The following ZNF816 variants were observed in gnomAD, a reference collection of about 807,000 sequenced individuals.
The protein encoded by ZNF816 is zinc finger protein 816, also known as zinc finger protein 816A.
In ZNF816, 11 loss-of-function variants were observed where a neutral mutation model predicts 8.3. The observed-to-expected ratio is 1.32, with a 90% CI of 0.83 to 2.19. The LOEUF (loss-of-function observed/expected upper bound fraction) is 2.19. Among genes scored for constraint, ZNF816 ranks in the 30% most tolerant of loss-of-function variants. The pLI, the probability that ZNF816 is intolerant of heterozygous loss-of-function variation, is 0.00. For missense variants in ZNF816, 710 were observed against 779.3 expected, an observed-to-expected ratio of 0.91 and a Z score of 1.06; for synonymous variants, 255 against 254.5, an observed-to-expected ratio of 1.00 and a Z score of -0.02.
chr19:52,949,575 A>C lies in ZNF816; in HGVS notation c.*244T>G, dbSNP rs1231739384. 1.4e-6 allele frequency: 1 copy of C among 731,582 alleles called. No homozygotes were observed. Among genetic ancestry groups the C allele is most frequent in the East Asian group, 2.7e-5 (1 of 36,700 alleles). The allele number at this position is 731,582 out of a possible 1,614,324, so 45.3% of individuals were successfully genotyped here. A position where few individuals can be genotyped will look rare whatever the true frequency, so the allele number is the denominator to read the frequency against. On this transcript the variant is annotated 3_prime_UTR_variant, in exon 4 of 4. Coordinates refer to ENST00000444460, the MANE Select transcript of ZNF816 (RefSeq NM_001202457.3). ...GTAAAGGCTTTGCCACAATCATCAC[A>C]CTTGTGAGGTTTCTCTCCTGTATGA...
intron 2 of ZNF816, 45 bp from the exon 3 acceptor site, chr19:52,952,922 G>GTTA (rs1191584234): frequency 6.4e-7 from 1 of 1,562,284 alleles, no homozygotes; most frequent in Non-Finnish European, 8.6e-7. Context: ...GGAGGAGTGA[G>GTTA]TTATTGCCCT....
intron 2 of ZNF816, among the ~76,000 whole-genome samples, chr19:52,953,708 A>G (rs984167805): frequency 7.2e-6 from 1 of 138,104 alleles, no homozygotes; most frequent in African/African-American, 2.7e-5. Context: ...ATTATTAAAT[A>G]AAGATATTAA....
intron 3 of ZNF816, 133 bp from the exon 4 acceptor site, chr19:52,951,717 A>G (rs2083462196): frequency 3.4e-6 from 3 of 886,370 alleles, no homozygotes; most frequent in Non-Finnish European, 5.0e-6. Context: ...TCATAGTTTA[A>G]GAACACACTG....
chr19:52,949,547 G>C lies in ZNF816; in HGVS notation c.*272C>G. 1 of 667,938 alleles carries C rather than the reference G, an allele frequency of 1.5e-6. No homozygotes were observed. The highest frequency in any genetic ancestry group is 1.5e-5 in the South Asian group (1 of 68,786). The allele number at this position is 667,938 out of a possible 1,614,324, so 41.4% of individuals were successfully genotyped here. On this transcript the variant is annotated 3_prime_UTR_variant, in exon 4 of 4. Coordinates refer to ENST00000444460, the MANE Select transcript of ZNF816 (RefSeq NM_001202457.3). ...CTGATGTCTAATGAGGTGTGAACAT[G>C]AAGTAAAGGCTTTGCCACAATCATC...
chr19:52,956,143 C>T, intron 1 of ZNF816, 39 bp from the exon 2 acceptor site: 9 of 1,582,320 alleles, frequency 5.7e-6, no homozygotes, highest in Non-Finnish European at 1.7e-6. Flanking sequence ...TATTTAGAAA[C>T]CATTGACTCC....
Position 52,951,222 on chromosome 19 carries a change from C to CACT in ZNF816, c.552_553insAGT (p.Ile184_Gly185insSer), listed in dbSNP as rs33949217. 0.41 allele frequency: 666,951 copies of CACT among 1,613,650 alleles called. 147,023 individuals carry two copies. Among genetic ancestry groups the CACT allele is most frequent in the African/African-American group, 0.84 (62,931 of 74,862 alleles). ...TGGGATTCTGAAGCTGAGGAAGCAC[C>CACT]GATAGACTTGTCCAATTGGTTACTA... On this transcript the variant is annotated inframe_insertion, in exon 4 of 4. Transcript: ENST00000444460.
chr19:52,951,788 C>G, intron 3 of ZNF816: 1 of 532,340 alleles, frequency 1.9e-6, no homozygotes. Context: ...ATCCCAGCTA[C>G]TCAGGAGGCT....
intron 2 of ZNF816, 28 bp from the exon 3 acceptor site, chr19:52,952,905 A>C (rs1262864092): frequency 6.3e-7 from 1 of 1,583,670 alleles, no homozygotes; most frequent in Non-Finnish European, 8.5e-7. Flanking sequence ...TTTCAACAAA[A>C]CATTATGGAG....
In ZNF816 at chr19:52,950,436, G is replaced by T. The variant is rs1482684782; in HGVS notation, c.1339C>A (p.His447Asn). Residue 447 changes from histidine to asparagine, a missense_variant, in exon 4 of 4, where the codon CAT becomes AAT. Physicochemically the swap from His to Asn is moderately conservative, Grantham distance 68 (BLOSUM62 1). Coordinates refer to ENST00000444460, the MANE Select transcript of ZNF816 (RefSeq NM_001202457.3). The stretch of plus-strand genomic sequence containing the variant: ...CACTTGTATGGTTTCTCTCCAGTAT[G>T]AACTCTCTGATGTTCTGCAAGGTAT... ...DSYLAEHQRV[H>N]TGEKPYKCNK... 4 of 1,613,382 alleles carry T rather than the reference G, an allele frequency of 2.5e-6. No homozygotes were observed. The Admixed American group carries it at 6.7e-5, about 27-fold the overall frequency.
intron 1 of ZNF816, among the ~76,000 whole-genome samples, chr19:52,961,314 T>G (rs35961480): frequency 3.3e-5 from 5 of 152,066 alleles, no homozygotes; most frequent in Admixed American, 6.5e-5. Context: ...AACTTTAAAT[T>G]TGATGCTTGT....
intron 1 of ZNF816, 73 bp from the exon 2 acceptor site, chr19:52,956,177 CA>C: frequency 6.7e-7 from 1 of 1,496,326 alleles, no homozygotes; most frequent in Non-Finnish European, 9.0e-7. Context: ...AACACACACA[CA>C]GGGGAAACCT....
chr19:52,959,452 A>T (rs1271313899), intron 1 of ZNF816, among the ~76,000 whole-genome samples: 3 of 152,192 alleles, frequency 2.0e-5, no homozygotes, highest in African/African-American at 4.8e-5. Context: ...ACTGGGAGCT[A>T]TAAGTGGACA....
rs534702727 is a variant in ZNF816 at position 52,951,213 on chromosome 19, A to G, written c.562T>C (p.Ser188Pro). 1 of 1,566,212 alleles carries G rather than the reference A, an allele frequency of 6.4e-7. No homozygotes were observed. The highest frequency in any genetic ancestry group is 2.2e-5 in the African/African-American group (1 of 45,832). The change falls in exon 4 of 4, where the codon TCA (serine) becomes CCA (proline). Residue 188 changes from serine (S) to proline (P), a missense_variant. By Grantham distance (74) the Ser-to-Pro change is moderately conservative. Transcript: ENST00000444460. Reference sequence around the variant, plus strand: ...GAAATTCTTTGGGATTCTGAAGCTGAGGAAGCACCGATAGACTTGTCCAAT... The same window carrying G: ...GAAATTCTTTGGGATTCTGAAGCTGGGGAAGCACCGATAGACTTGTCCAAT... ...NQLDKSIGAS[S>P]ASESQRISCR...
rs1216928663 is a variant in ZNF816, at chr19:52,953,525, ATAAT to A, written c.64-652_64-649del. 2.0e-4 allele frequency: 10 copies of A among 50,028 alleles called. No homozygotes were observed. The African/African-American group carries it at 3.2e-3, about 16-fold the overall frequency. 3.1% of individuals were successfully genotyped at this position (50,028 alleles called of 1,614,324 possible). A position where few individuals can be genotyped will look rare whatever the true frequency, so the allele number is the denominator to read the frequency against. On this transcript the variant is annotated intron_variant, in intron 2 of 3. Coordinates refer to ENST00000444460, the MANE Select transcript of ZNF816 (RefSeq NM_001202457.3). ...ATTTAATTATATATAATATATATTT[ATAAT>A]ATATAATATATAATACAATATTATA... is the stretch of plus-strand genomic sequence containing the variant.
chr19:52,951,483 T>C lies in ZNF816; in HGVS notation c.292A>G (p.Ile98Val). 2 of 1,614,056 alleles carry C rather than the reference T, an allele frequency of 1.2e-6. No homozygotes were observed. The highest frequency in any genetic ancestry group is 1.7e-6 in the Non-Finnish European group (2 of 1,179,922). The change falls in exon 4 of 4, where the codon ATT (isoleucine) becomes GTT (valine). Residue 98 changes from isoleucine (I) to valine (V), a missense_variant. Transcript: ENST00000444460. ...GTLQRHKSHH[I>V]GDFCFPEMKK... ...ATTTCTGGGAAGCAAAAATCTCCAA[T>C]GTGATGACTTTTATGTCTTTGCAAC...
At chr19:52,951,900 A>G (rs939204842) in intron 3 of ZNF816, 2 of 391,206 alleles carry the variant, frequency 5.1e-6, no homozygotes, top group Non-Finnish European at 9.0e-6. Flanking sequence ...TTCTGTGTAG[A>G]AAAAAAAAAG....
intron 1 of ZNF816, among the ~76,000 whole-genome samples, chr19:52,958,715 C>G (rs537261094): frequency 2.0e-5 from 3 of 152,276 alleles, no homozygotes; most frequent in East Asian, 1.9e-4. Context: ...ACAGGGGGAG[C>G]GCAGCCTGGG....
rs200574334 is a variant in ZNF816 at position 52,950,191 on chromosome 19, C to T, written c.1584G>A (p.Arg528=). 24 of 1,613,620 alleles carry T rather than the reference C, an allele frequency of 1.5e-5. No homozygotes were observed. Among genetic ancestry groups the T allele is most frequent in the Non-Finnish European group, 2.0e-5 (24 of 1,179,920 alleles). ...ATGGTTTTTCCCCAGTATGAATTCTCCTATGTCTTTCAAGGTGTGATCTGC... is the reference window on the plus strand; with the variant it reads ...ATGGTTTTTCCCCAGTATGAATTCTTCTATGTCTTTCAAGGTGTGATCTGC... ...FSRRSHLERH[R]RIHTGEKPYK... is the part of the protein sequence containing the mutation. Residue 528 remains arginine, a synonymous_variant, in exon 4 of 4, where the codon AGG becomes AGA. Coordinates refer to ENST00000444460, the MANE Select transcript of ZNF816 (RefSeq NM_001202457.3).
chr19:52,955,892 C>A, intron 2 of ZNF816, 135 bp downstream of exon 2: 1 of 1,164,816 alleles, frequency 8.6e-7, no homozygotes. Context: ...ATGAGAGGGA[C>A]TGAGAAAAGA....
Sources: allele counts gnomAD v4.1 joint callset (sites outside exome capture counted in the v4.1 genomes callset), GRCh38; gene constraint gnomAD v4.1.1; transcripts MANE v1.5; gene names NCBI Gene and HGNC (gene_info 2026-07-23, HGNC 2026-07-21).